PSKH1: variants seen among roughly 807,000 people sequenced by gnomAD.
PSKH1 encodes protein serine kinase H1, also known as serine/threonine-protein kinase H1.
In PSKH1, 12 loss-of-function variants were observed where a neutral mutation model predicts 26.7. The observed-to-expected ratio is 0.45, with a 90% CI of 0.29 to 0.73. The LOEUF is 0.73. Among genes scored for constraint, PSKH1 ranks in the 30% least tolerant of loss-of-function variants. The probability of loss-of-function intolerance (pLI) is 0.11; values close to 1 mark genes in which losing one functional copy is unlikely to be tolerated. For synonymous variants in PSKH1, 213 were observed against 234.3 expected, an observed-to-expected ratio of 0.91 and a Z score of 0.83; for missense variants, 431 against 595.2, an observed-to-expected ratio of 0.72 and a Z score of 2.87.
intron 1 of PSKH1, among the ~76,000 whole-genome samples, chr16:67,896,177 C>T (rs188391744): frequency 6.7e-6 from 1 of 150,196 alleles, no homozygotes; most frequent in East Asian, 2.0e-4. Context: ...GGCGTGAGCT[C>T]GGCTCACTAC....
intron 2 of PSKH1, among the ~76,000 whole-genome samples, chr16:67,918,887 C>T (rs981719046): frequency 1.3e-5 from 2 of 152,248 alleles, no homozygotes; most frequent in Admixed American, 6.5e-5. Context: ...CCACCACACT[C>T]GACCTCCCCA....
In PSKH1 at chr16:67,909,825, C is replaced by T; in HGVS notation, c.957+119C>T. On this transcript the variant is annotated intron_variant, in intron 2 of 2. Transcript: ENST00000291041. This position sits in a 1 kb window ranked among gnomAD's most constrained non-coding sequence, Gnocchi z 7.8. ...CCATGCTCGTGAGGGCCAGGCAGGTCATATAAAAGGGACAAAGTGAGACTA... is the reference window on the plus strand; with the variant it reads ...CCATGCTCGTGAGGGCCAGGCAGGTTATATAAAAGGGACAAAGTGAGACTA... The T allele has an allele frequency of 1.1e-6, 1 of 927,520 alleles. No individual in the cohort carries two copies. Among genetic ancestry groups the T allele is most frequent in the Non-Finnish European group, 1.6e-6 (1 of 619,602 alleles). 57.5% of individuals were successfully genotyped at this position (927,520 alleles called of 1,614,324 possible). A position where few individuals can be genotyped will look rare whatever the true frequency, so the allele number is the denominator to read the frequency against.
chr16:67,913,935 T>G (rs1323073636), intron 2 of PSKH1, among the ~76,000 whole-genome samples: 2 of 152,000 alleles, frequency 1.3e-5, no homozygotes, highest in Non-Finnish European at 2.9e-5. Flanking sequence ...GAACCTGGAA[T>G]TTGGAGCATG....
chr16:67,919,204 G>T (rs1713633051), intron 2 of PSKH1, among the ~76,000 whole-genome samples: 1 of 152,166 alleles, frequency 6.6e-6, no homozygotes, highest in Non-Finnish European at 1.5e-5. Flanking sequence ...GTGTTTCCTG[G>T]CTTATGCTTG....
chr16:67,909,018 T>A lies in PSKH1; in HGVS notation c.269T>A (p.Phe90Tyr). Residue 90 changes from phenylalanine to tyrosine, a missense_variant, in exon 2 of 3, where the codon TTT (phenylalanine) becomes TAT (tyrosine). By Grantham distance (22) the Phe-to-Tyr change is conservative. Coordinates refer to ENST00000291041, the MANE Select transcript of PSKH1 (RefSeq NM_006742.3). The surrounding 1 kb of genome is among the most constrained non-coding windows in gnomAD (Gnocchi z 7.8). ...RARVAKYRAK[F>Y]DPRVTAKYDI... ...AGGGTAGCTAAGTACAGGGCCAAGTTTGACCCACGTGTTACAGCTAAGTAT... is the reference window on the plus strand; with the variant it reads ...AGGGTAGCTAAGTACAGGGCCAAGTATGACCCACGTGTTACAGCTAAGTAT... The A allele has an allele frequency of 6.2e-7, 1 of 1,614,126 alleles. No individual in the cohort carries two copies. The highest frequency in any genetic ancestry group is 1.7e-5 in the Admixed American group (1 of 60,008).
chr16:67,897,463 G>T (rs2058129548), intron 1 of PSKH1, among the ~76,000 whole-genome samples: 1 of 152,148 alleles, frequency 6.6e-6, no homozygotes, highest in African/African-American at 2.4e-5. Context: ...TTTCCAAGCT[G>T]CCAGCCTTGA....
At chr16:67,906,380 TTTTTC>T (rs2058156138) in intron 1 of PSKH1, among the ~76,000 whole-genome samples, 1 of 149,800 alleles carries the variant, frequency 6.7e-6, no homozygotes, top group African/African-American at 2.5e-5. Context: ...CCTTTTTTTT[TTTTTC>T]TTTTAAGACA....
intron 1 of PSKH1, among the ~76,000 whole-genome samples, chr16:67,896,297 C>T (rs1359647574): frequency 2.6e-5 from 4 of 151,894 alleles, no homozygotes; most frequent in South Asian, 2.1e-4. Flanking sequence ...TTAGTAGAGA[C>T]GAGGTTTCAC....
intron 1 of PSKH1, 44 bp from the exon 2 acceptor site, chr16:67,908,636 A>T: frequency 2.3e-6 from 2 of 888,680 alleles, no homozygotes; most frequent in Middle Eastern, 3.0e-4. Context: ...TGATTTCCTT[A>T]GAGTTGGCCT....
chr16:67,906,969 CT>C (rs986926896), intron 1 of PSKH1, among the ~76,000 whole-genome samples: 71 of 144,436 alleles, frequency 4.9e-4, no homozygotes, highest in Admixed American at 4.2e-4. Context: ...CCCTCTGACT[CT>C]TTTTTTTTTT....
At chr16:67,919,883 C>T (rs1401905955) in intron 2 of PSKH1, among the ~76,000 whole-genome samples, 4 of 152,258 alleles carry the variant, frequency 2.6e-5, no homozygotes, top group African/African-American at 9.6e-5. Flanking sequence ...CCCTTTGTCA[C>T]TGCTGCCCTG....
intron 2 of PSKH1, among the ~76,000 whole-genome samples, chr16:67,914,676 A>T (rs1253930841): frequency 1.3e-5 from 2 of 150,580 alleles, no homozygotes; most frequent in African/African-American, 4.9e-5. Context: ...CTGATCTTAA[A>T]CTCCTGACCT....
At chr16:67,894,328 T>G (rs554134676) in intron 1 of PSKH1, among the ~76,000 whole-genome samples, 1 of 152,260 alleles carries the variant, frequency 6.6e-6, no homozygotes, top group Non-Finnish European at 1.5e-5. Flanking sequence ...AAGTTTAAAA[T>G]TTTTTGTAGA....
At chr16:67,911,687 A>C (rs114755401) in intron 2 of PSKH1, among the ~76,000 whole-genome samples, 2,781 of 151,368 alleles carry the variant, frequency 0.018, 64 homozygotes, top group African/African-American at 0.056. Flanking sequence ...TGTCCCCCCC[A>C]AAAAAAAAGA....
At chr16:67,913,840 A>G (rs954170915) in intron 2 of PSKH1, among the ~76,000 whole-genome samples, 5 of 152,216 alleles carry the variant, frequency 3.3e-5, no homozygotes, top group African/African-American at 1.2e-4. Flanking sequence ...ACACTGACCT[A>G]TAAGAACATG....
rs2058164859 is a variant in PSKH1, at chr16:67,908,982, C to T, written c.233C>T (p.Pro78Leu). The change falls in exon 2 of 3, where the codon CCA becomes CTA. Residue 78 changes from proline to leucine, a missense_variant. Pro to Leu is a moderately conservative substitution (Grantham distance 98). Transcript: ENST00000291041. ...CACACGGAGCCTCCCTCAGAACCAC[C>T]ACGCAGGGCCAGGGTAGCTAAGTAC... ...AGHTEPPSEPPRRARVAKYRA... is the reference protein window; with the variant it reads ...AGHTEPPSEPLRRARVAKYRA... The T allele has an allele frequency of 6.2e-7, 1 of 1,613,884 alleles. No individual in the cohort carries two copies. Among genetic ancestry groups the T allele is most frequent in the Non-Finnish European group, 8.5e-7 (1 of 1,179,898 alleles).
intron 1 of PSKH1, among the ~76,000 whole-genome samples, chr16:67,908,109 C>G (rs1011016356): frequency 2.6e-5 from 4 of 152,178 alleles, no homozygotes; most frequent in African/African-American, 7.2e-5. Flanking sequence ...TTCCTGCCCC[C>G]TCTCAGGGTT....
rs113485352 is a variant in PSKH1 at position 67,924,299 on chromosome 16, C to T, written c.958-3026C>T. Among the ~76,000 whole-genome samples the T allele has an allele frequency of 3.0e-3, 452 of 152,324 alleles. 4 individuals carry two copies. Among genetic ancestry groups the T allele is most frequent in the African/African-American group, 0.01 (434 of 41,570 alleles). ...CTGCATTCTGCGCACAGCCACATGC[C>T]CACAGTAATTGGTGAGGCGAGAATC... is the stretch of plus-strand genomic sequence containing the variant. On this transcript the variant is annotated intron_variant, in intron 2 of 2. Transcript: ENST00000291041.
In PSKH1 at chr16:67,893,301, C is replaced by T; in HGVS notation, c.-141C>T. The T allele has an allele frequency of 6.1e-6, 1 of 164,472 alleles. No homozygotes were observed. The highest frequency in any genetic ancestry group is 1.3e-5 in the Non-Finnish European group (1 of 77,652). 10.2% of individuals were successfully genotyped at this position (164,472 alleles called of 1,614,324 possible). ...ATGGCGGCGGCGGCGGCGGCGGCGG[C>T]GGCCGCTGCCATTGCCCGGAGATGG... On this transcript the variant is annotated 5_prime_UTR_variant, in exon 1 of 3. Transcript: ENST00000291041.
Sources: allele counts gnomAD v4.1 joint callset (sites outside exome capture counted in the v4.1 genomes callset), GRCh38; gene constraint gnomAD v4.1.1; non-coding constraint Gnocchi (gnomAD v3.1); transcripts MANE v1.5; gene names NCBI Gene and HGNC (gene_info 2026-07-23, HGNC 2026-07-21).